The following SLC24A2 variants were observed in gnomAD, a reference collection of about 807,000 sequenced individuals.
SLC24A2 encodes the protein solute carrier family 24 member 2.
In SLC24A2, 36 loss-of-function variants were observed where a neutral mutation model predicts 62.0. The ratio of observed to expected loss-of-function variants is 0.58; its 90% CI spans 0.44 to 0.77. SLC24A2 has a LOEUF of 0.77. Ranked by LOEUF, SLC24A2 falls within the 30% of genes least tolerant of loss-of-function variation. The pLI is 0.00. For synonymous variants in SLC24A2, 358 were observed against 294.0 expected, an observed-to-expected ratio of 1.22 and a Z score of -2.23; for missense variants, 846 against 817.9, an observed-to-expected ratio of 1.03 and a Z score of -0.42.
chr9:20,199,973 C>T, the SLC24A2 span, among the ~76,000 whole-genome samples: 2,314 of 150,998 alleles, frequency 0.015, 54 homozygotes, highest in African/African-American at 0.053. Flanking sequence ...TCAGGTGATC[C>T]GCCCATCTCG....
chr9:19,941,799 C>T, the SLC24A2 span, among the ~76,000 whole-genome samples: 2 of 151,992 alleles, frequency 1.3e-5, no homozygotes, highest in East Asian at 1.9e-4. Context: ...TCTGCCAGAC[C>T]GTTCTGTTTC....
At chr9:19,580,857 TAG>T (rs1836184110) in intron 5 of SLC24A2, among the ~76,000 whole-genome samples, 1 of 152,160 alleles carries the variant, frequency 6.6e-6, no homozygotes. Flanking sequence ...GTGGTATTGG[TAG>T]AGTTACTAGT....
intron 9 of SLC24A2, among the ~76,000 whole-genome samples, chr9:19,526,858 TAATC>T (rs2132656383): frequency 6.6e-6 from 1 of 152,304 alleles, no homozygotes; most frequent in East Asian, 1.9e-4. Flanking sequence ...TGAAATTAAT[TAATC>T]AATTTTCTTG....
chr9:19,636,326 T>TTCCTTTTC (rs1491476004), intron 2 of SLC24A2, among the ~76,000 whole-genome samples: 12 of 26,908 alleles, frequency 4.5e-4, no homozygotes, highest in Non-Finnish European at 7.3e-4. Context: ...TTTCTTTCTT[T>TTCCTTTTC]CTTTCTTTCT....
chr9:19,681,996 A>G (rs139778855), intron 2 of SLC24A2, among the ~76,000 whole-genome samples: 47 of 152,292 alleles, frequency 3.1e-4, no homozygotes, highest in African/African-American at 1.1e-3. Flanking sequence ...GGGTTCTGCC[A>G]GGGTGATTGA....
chr9:20,197,950 T>C, the SLC24A2 span, among the ~76,000 whole-genome samples: 2 of 152,214 alleles, frequency 1.3e-5, no homozygotes, highest in East Asian at 1.9e-4. Context: ...CAAATCCTTA[T>C]TGCACAAAGA....
rs1468917245 is a variant in SLC24A2 at position 19,513,857 on chromosome 9, C to T, written c.*2296G>A. The T allele has an allele frequency of 2.0e-5, 3 of 152,162 alleles. No individual in the cohort carries two copies. Among genetic ancestry groups the T allele is most frequent in the Admixed American group, 6.6e-5 (1 of 15,266 alleles). 9.4% of individuals were successfully genotyped at this position (152,162 alleles called of 1,614,324 possible). ...GAGTTTTTAAACGTAAAGTTCACTT[C>T]CTCATTCTTTCACTCTCTAAGGAAG... On this transcript the variant is annotated 3_prime_UTR_variant, in exon 11 of 11. Coordinates refer to ENST00000341998, the MANE Select transcript of SLC24A2 (RefSeq NM_020344.4).
At chr9:19,534,866 A>G (rs971748927) in intron 8 of SLC24A2, among the ~76,000 whole-genome samples, 5 of 152,174 alleles carry the variant, frequency 3.3e-5, no homozygotes, top group Admixed American at 1.3e-4. Flanking sequence ...TCCTTTGGGT[A>G]TATACCCAGT....
At chr9:19,530,046 C>T (rs151259045) in intron 8 of SLC24A2, among the ~76,000 whole-genome samples, 49 of 151,046 alleles carry the variant, frequency 3.2e-4, no homozygotes, top group African/African-American at 1.0e-3. Flanking sequence ...AGCCACCGCA[C>T]CCAGCCATTA....
At chr9:20,136,873 A>C in the SLC24A2 span, among the ~76,000 whole-genome samples, 2 of 152,144 alleles carry the variant, frequency 1.3e-5, no homozygotes, top group African/African-American at 4.8e-5. Context: ...ATTTTCTCTT[A>C]ATACCACCTT....
At chr9:20,221,479 G>C in the SLC24A2 span, among the ~76,000 whole-genome samples, 1 of 151,958 alleles carries the variant, frequency 6.6e-6, no homozygotes, top group Non-Finnish European at 1.5e-5. Flanking sequence ...GAGGACAGAG[G>C]AGTTGTCAGA....
intron 8 of SLC24A2, among the ~76,000 whole-genome samples, chr9:19,540,555 G>A (rs1834200580): frequency 1.3e-5 from 2 of 148,924 alleles, no homozygotes; most frequent in Non-Finnish European, 3.0e-5. Context: ...CTGGCTTGTA[G>A]GGTTTCTGCC....
At chr9:19,609,803 T>C (rs1837095723) in intron 4 of SLC24A2, among the ~76,000 whole-genome samples, 4 of 152,120 alleles carry the variant, frequency 2.6e-5, no homozygotes, top group Admixed American at 2.6e-4. Flanking sequence ...GTGGTGGGGA[T>C]GGTTTCAGGA....
the SLC24A2 span, among the ~76,000 whole-genome samples, chr9:20,120,109 A>G: frequency 1.2e-4 from 18 of 152,166 alleles, no homozygotes; most frequent in African/African-American, 4.3e-4. Context: ...GCAACATTGT[A>G]TCTCTCTGAT....
At chr9:19,723,689 T>C (rs547746298) in intron 2 of SLC24A2, among the ~76,000 whole-genome samples, 11 of 152,270 alleles carry the variant, frequency 7.2e-5, no homozygotes, top group African/African-American at 2.6e-4. Context: ...GTCTTATTCA[T>C]AGAATTCTTC....
At chr9:19,918,410 G>T in the SLC24A2 span, among the ~76,000 whole-genome samples, 1 of 134,530 alleles carries the variant, frequency 7.4e-6, no homozygotes, top group African/African-American at 2.8e-5. Flanking sequence ...AAAAAAAAAG[G>T]AAAGTATTCT....
intron 7 of SLC24A2, among the ~76,000 whole-genome samples, chr9:19,567,823 A>AAGTCATAT (rs1835718980): frequency 6.6e-6 from 1 of 152,218 alleles, no homozygotes; most frequent in South Asian, 2.1e-4. Flanking sequence ...GCCATTTAAA[A>AAGTCATAT]AGTCATATTA....
intron 2 of SLC24A2, among the ~76,000 whole-genome samples, chr9:19,693,363 C>A (rs1370955229): frequency 6.6e-6 from 1 of 152,076 alleles, no homozygotes; most frequent in Non-Finnish European, 1.5e-5. Flanking sequence ...ATGAATGCAG[C>A]CTGTTGGCAA....
At chr9:19,838,119 G>A in the SLC24A2 span, among the ~76,000 whole-genome samples, 1 of 151,996 alleles carries the variant, frequency 6.6e-6, no homozygotes, top group Non-Finnish European at 1.5e-5. Flanking sequence ...AAGTCAATCC[G>A]AAGCCTAAAG....
Sources: gnomAD v4.1 joint callset for allele counts (sites outside exome capture counted in the v4.1 genomes callset) on GRCh38, gnomAD v4.1.1 for gene constraint, MANE v1.5 for transcripts, NCBI Gene and HGNC (gene_info 2026-07-23, HGNC 2026-07-21) for gene names.